Variants in SCHIP1 observed in about 807,000 individuals in gnomAD.
The protein encoded by SCHIP1 is schwannomin-interacting protein 1.
A neutral mutation model predicts 29.7 loss-of-function variants in SCHIP1; 8 were observed. The ratio of observed to expected loss-of-function variants is 0.27; its 90% CI spans 0.16 to 0.49. The LOEUF is 0.49. Among genes scored for constraint, SCHIP1 ranks in the 20% least tolerant of loss-of-function variants. The pLI is 0.99. For missense variants in SCHIP1, 193 were observed against 294.6 expected (o/e 0.66, Z 2.52); for synonymous variants, 76 against 94.9 (o/e 0.80, Z 1.16).
chr3:159,537,935 G>C, the SCHIP1 span, among the ~76,000 whole-genome samples: 19 of 152,194 alleles, frequency 1.2e-4, no homozygotes, highest in African/African-American at 4.6e-4. Context: ...ACATAGTACA[G>C]AAGCCAATAG....
the SCHIP1 span, among the ~76,000 whole-genome samples, chr3:159,278,051 G>A: frequency 1.3e-5 from 2 of 152,180 alleles, no homozygotes; most frequent in Admixed American, 6.5e-5. Flanking sequence ...CTAATGGTGT[G>A]TGTGCATGTG....
At chr3:159,609,648 C>G in the SCHIP1 span, among the ~76,000 whole-genome samples, 9 of 152,070 alleles carry the variant, frequency 5.9e-5, no homozygotes, top group Admixed American at 5.9e-4. Flanking sequence ...CAGCCCTGTC[C>G]CTTCCCACTA....
At chr3:159,705,125 G>A in the SCHIP1 span, among the ~76,000 whole-genome samples, 108 of 151,714 alleles carry the variant, frequency 7.1e-4, no homozygotes, top group East Asian at 0.015. Context: ...CACCACGCCC[G>A]GCTAATTTTT....
chr3:159,743,532 CAG>C, the SCHIP1 span, among the ~76,000 whole-genome samples: 7 of 152,124 alleles, frequency 4.6e-5, no homozygotes, highest in Non-Finnish European at 1.0e-4. Flanking sequence ...GGCAAAATTA[CAG>C]AGTTAGAGAA....
the SCHIP1 span, among the ~76,000 whole-genome samples, chr3:159,342,393 A>G: frequency 6.6e-6 from 1 of 152,242 alleles, no homozygotes; most frequent in African/African-American, 2.4e-5. Flanking sequence ...GCTCCTGGAA[A>G]AAAGAAATTG....
chr3:159,712,028 G>A, the SCHIP1 span, among the ~76,000 whole-genome samples: 12 of 152,238 alleles, frequency 7.9e-5, no homozygotes, highest in African/African-American at 2.4e-4. Context: ...AATAACAACA[G>A]CTTAAAGATG....
the SCHIP1 span, among the ~76,000 whole-genome samples, chr3:159,647,683 C>T: frequency 4.6e-5 from 7 of 152,148 alleles, no homozygotes; most frequent in Admixed American, 2.0e-4. Context: ...CTTTTACCCA[C>T]TGGACTGGTC....
the SCHIP1 span, among the ~76,000 whole-genome samples, chr3:159,373,964 T>A: frequency 2.6e-4 from 39 of 152,192 alleles, no homozygotes; most frequent in Non-Finnish European, 5.1e-4. Flanking sequence ...GATCATATGA[T>A]AATTCTATTT....
At chr3:159,450,219 G>A in the SCHIP1 span, among the ~76,000 whole-genome samples, 1 of 152,182 alleles carries the variant, frequency 6.6e-6, no homozygotes, top group African/African-American at 2.4e-5. Context: ...TTGGTGGACA[G>A]TAAAATCACA....
At chr3:159,674,524 C>T in the SCHIP1 span, among the ~76,000 whole-genome samples, 1 of 145,244 alleles carries the variant, frequency 6.9e-6, no homozygotes, top group Non-Finnish European at 1.5e-5. Context: ...AGACATGTGG[C>T]AGCGGTCTTT....
chr3:159,751,065 C>T, the SCHIP1 span, among the ~76,000 whole-genome samples: 1 of 152,082 alleles, frequency 6.6e-6, no homozygotes, highest in Non-Finnish European at 1.5e-5. Context: ...AAAATAGATA[C>T]AAACTGGTTC....
the SCHIP1 span, among the ~76,000 whole-genome samples, chr3:159,545,753 C>A: frequency 6.7e-6 from 1 of 148,800 alleles, no homozygotes; most frequent in Non-Finnish European, 1.5e-5. Context: ...TATACACACA[C>A]ACATATGTAT....
chr3:159,697,833 G>A, the SCHIP1 span, among the ~76,000 whole-genome samples: 1 of 152,134 alleles, frequency 6.6e-6, no homozygotes, highest in South Asian at 2.1e-4. Flanking sequence ...TTAAAGCATA[G>A]TTACAGTCCA....
the SCHIP1 span, among the ~76,000 whole-genome samples, chr3:159,399,329 A>G: frequency 2.0e-5 from 3 of 151,952 alleles, no homozygotes; most frequent in East Asian, 1.9e-4. Context: ...CTTGTATTGT[A>G]TTGTATTAGA....
chr3:159,592,031 T>C, the SCHIP1 span, among the ~76,000 whole-genome samples: 6 of 151,448 alleles, frequency 4.0e-5, no homozygotes, highest in Non-Finnish European at 7.4e-5. Flanking sequence ...GAGTGTGGAT[T>C]ATCTTTGGCC....
the SCHIP1 span, among the ~76,000 whole-genome samples, chr3:159,734,392 G>A: frequency 1.1e-4 from 16 of 151,754 alleles, no homozygotes; most frequent in East Asian, 1.2e-3. Flanking sequence ...CGCCCACCTC[G>A]GCCTCCCAAA....
the SCHIP1 span, among the ~76,000 whole-genome samples, chr3:159,283,788 A>G: frequency 6.6e-6 from 1 of 152,208 alleles, no homozygotes; most frequent in Non-Finnish European, 1.5e-5. Context: ...ATAATACTAA[A>G]TTGCCTCTTC....
the SCHIP1 span, among the ~76,000 whole-genome samples, chr3:159,829,741 A>G: frequency 6.6e-6 from 1 of 152,188 alleles, no homozygotes; most frequent in South Asian, 2.1e-4. Context: ...TGCCCAAGCA[A>G]TAAAATTACG....
chr3:159,543,212 TTTTA>T, the SCHIP1 span, among the ~76,000 whole-genome samples: 9 of 151,634 alleles, frequency 5.9e-5, no homozygotes, highest in African/African-American at 2.2e-4. Context: ...TGTTTTTTTA[TTTTA>T]TTATTATTAT....
Sources: gnomAD v4.1 joint callset for allele counts (sites outside exome capture counted in the v4.1 genomes callset) on GRCh38, gnomAD v4.1.1 for gene constraint, MANE v1.5 for transcripts, NCBI Gene and HGNC (gene_info 2026-07-23, HGNC 2026-07-21) for gene names.